The following ACOX3 variants were observed in gnomAD, a reference collection of about 807,000 sequenced individuals.
ACOX3 encodes peroxisomal acyl-coenzyme A oxidase 3.
A neutral mutation model predicts 81.5 loss-of-function variants in ACOX3; 73 were observed. That is an observed-to-expected ratio of 0.90 (90% CI 0.74 to 1.09). ACOX3 has a LOEUF of 1.09. Ranked by LOEUF, ACOX3 falls within the 50% of genes least tolerant of loss-of-function variation. The probability of loss-of-function intolerance (pLI) is 0.00; values close to 1 mark genes in which losing one functional copy is unlikely to be tolerated. For missense variants in ACOX3, 947 were observed against 928.0 expected (o/e 1.02, Z -0.27); for synonymous variants, 387 against 375.1 (o/e 1.03, Z -0.37).
chr4:8,360,564 T>C, the ACOX3 span, among the ~76,000 whole-genome samples: 1 of 151,608 alleles, frequency 6.6e-6, no homozygotes, highest in African/African-American at 2.4e-5. Flanking sequence ...CTCCGCCTCC[T>C]GGGTTCATGC....
chr4:8,404,941 C>CGT (rs1282359118), intron 7 of ACOX3, among the ~76,000 whole-genome samples: 1 of 152,064 alleles, frequency 6.6e-6, no homozygotes, highest in Non-Finnish European at 1.5e-5. Flanking sequence ...GGGGAGACAG[C>CGT]GTGTGGAGTC....
chr4:8,365,027 G>A (rs935038388), downstream of ACOX3, among the ~76,000 whole-genome samples: 44 of 152,266 alleles, frequency 2.9e-4, 1 homozygote, highest in African/African-American at 1.0e-3. Flanking sequence ...TCTAGGTAAA[G>A]GAGCCGTCCA....
the ACOX3 span, among the ~76,000 whole-genome samples, chr4:8,360,974 AG>A: frequency 3.3e-5 from 5 of 152,196 alleles, no homozygotes; most frequent in Non-Finnish European, 5.9e-5. Context: ...CAAGAGTAAA[AG>A]TCACTAACAA....
rs1173010628 is a variant in ACOX3, at chr4:8,368,071, G to C, written c.1984-991C>G. Reference sequence around the variant, plus strand: ...TGCAGCCACCGCAGGATGCTGCAAGGCTGCATCGACTGCTGCTCTGAAATC... The same window carrying C: ...TGCAGCCACCGCAGGATGCTGCAAGCCTGCATCGACTGCTGCTCTGAAATC... On this transcript the variant is annotated intron_variant, in intron 17 of 17. Transcript: ENST00000356406. This position sits in a 1 kb window ranked among gnomAD's most constrained non-coding sequence, Gnocchi z 5.9. 6.6e-6 allele frequency among the ~76,000 whole-genome samples: 1 copy of C among 152,034 alleles called. No homozygotes were observed. The highest frequency in any genetic ancestry group is 1.5e-5 in the Non-Finnish European group (1 of 67,996).
rs112790710 is a variant in ACOX3, at chr4:8,428,506, G to A, written c.-14-11971C>T. On this transcript the variant is annotated intron_variant, in intron 1 of 17. Transcript: ENST00000356406. ...TCCCATGGGCGGGGCGGAGCCGCGG[G>A]CGCCCTGACGTCATCGAACCGCGCC... The A allele has an allele frequency of 8.8e-3, 1,343 of 152,416 alleles. 5 individuals carry two copies. Among genetic ancestry groups the A allele is most frequent in the South Asian group, 0.034 (163 of 4,828 alleles). 9.4% of individuals were successfully genotyped at this position (152,416 alleles called of 1,614,324 possible).
chr4:8,377,425 C>T (rs114385665), intron 14 of ACOX3, among the ~76,000 whole-genome samples: 3 of 152,130 alleles, frequency 2.0e-5, no homozygotes, highest in Admixed American at 6.5e-5. Context: ...TAATGCATCG[C>T]GAGTGCCAGT....
chr4:8,435,271 A>G (rs1228548730), intron 1 of ACOX3, among the ~76,000 whole-genome samples: 2 of 152,228 alleles, frequency 1.3e-5, no homozygotes, highest in African/African-American at 4.8e-5. Context: ...CGGGCAGATC[A>G]CGAGGTCAGG....
the ACOX3 span, among the ~76,000 whole-genome samples, chr4:8,359,561 C>T: frequency 6.6e-6 from 1 of 152,202 alleles, no homozygotes; most frequent in Non-Finnish European, 1.5e-5. The surrounding 1 kb of genome is among the most constrained non-coding windows in gnomAD (Gnocchi z 6.0). Context: ...CTGCCTTGCA[C>T]TCTTTGCTGA....
chr4:8,361,425 C>CA (rs56251372), downstream of ACOX3, among the ~76,000 whole-genome samples: 665 of 38,988 alleles, frequency 0.017, 80 homozygotes, highest in East Asian at 0.099. Context: ...GACTCTATCT[C>CA]AAAAAAAAAA....
At chr4:8,367,658 C>A (rs1715622984) in intron 17 of ACOX3, among the ~76,000 whole-genome samples, 1 of 151,222 alleles carries the variant, frequency 6.6e-6, no homozygotes, top group Non-Finnish European at 1.5e-5. Flanking sequence ...TAATGAAAAT[C>A]ACCCCTCGCC....
rs996522335 is a variant in ACOX3, at chr4:8,370,430, G to A, written c.1983+478C>T. 3.9e-5 allele frequency among the ~76,000 whole-genome samples: 6 copies of A among 152,042 alleles called. No individual in the cohort carries two copies. Among genetic ancestry groups the A allele is most frequent in the African/African-American group, 1.4e-4 (6 of 41,398 alleles). On this transcript the variant is annotated intron_variant, in intron 17 of 17. Transcript: ENST00000356406. This position sits in a 1 kb window ranked among gnomAD's most constrained non-coding sequence, Gnocchi z 6.3. ...GAGAGCTGAGGAGCCACAGGGAGGC[G>A]GTTGGGGGAAAGCGGGGCAGGGGAG...
intron 5 of ACOX3, among the ~76,000 whole-genome samples, chr4:8,412,409 T>C (rs1024351590): frequency 2.0e-5 from 3 of 148,336 alleles, no homozygotes; most frequent in Non-Finnish European, 4.5e-5. Flanking sequence ...AATGGATGGA[T>C]GAAAGAATGA....
chr4:8,415,818 C>T lies in ACOX3; in HGVS notation c.326G>A (p.Cys109Tyr). 6.2e-7 allele frequency: 1 copy of T among 1,614,084 alleles called. No individual in the cohort carries two copies. Among genetic ancestry groups the T allele is most frequent in the Non-Finnish European group, 8.5e-7 (1 of 1,180,022 alleles). The change falls in exon 3 of 18, where the codon TGC (cysteine) becomes TAC (tyrosine). Residue 109 changes from cysteine to tyrosine, a missense_variant. Transcript: ENST00000356406. ...CAGAGAAGAGTCATACATGCCCAGGCACTGAATCAAGGCGGGGACCTTCAG... is the reference window on the plus strand; with the variant it reads ...CAGAGAAGAGTCATACATGCCCAGGTACTGAATCAAGGCGGGGACCTTCAG... ...SPLKVPALIQ[C>Y]LGMYDSSLAA... is the part of the protein sequence containing the mutation.
chr4:8,387,260 C>T lies in ACOX3; in HGVS notation c.1537+1913G>A, dbSNP rs568049718. 6.6e-5 allele frequency among the ~76,000 whole-genome samples: 10 copies of T among 152,356 alleles called. No individual in the cohort carries two copies. In the East Asian group the frequency reaches 1.7e-3, roughly 26 times the overall value. On this transcript the variant is annotated intron_variant, in intron 13 of 17. Transcript: ENST00000356406. ...ATGAAGGGGGTACCATCCCCGTCCC[C>T]GTGCTGCAGATGAGGAAACCGAGGC...
intron 8 of ACOX3, among the ~76,000 whole-genome samples, chr4:8,398,214 T>C (rs1290254794): frequency 6.6e-6 from 1 of 152,124 alleles, no homozygotes; most frequent in Non-Finnish European, 1.5e-5. Flanking sequence ...TTTAAGGGTA[T>C]AAAATATGAT....
chr4:8,438,325 C>T lies in ACOX3; in HGVS notation c.-15+2323G>A, dbSNP rs144558193. Among the ~76,000 whole-genome samples the T allele has an allele frequency of 4.7e-3, 716 of 152,316 alleles. 8 individuals carry two copies. Among genetic ancestry groups the T allele is most frequent in the African/African-American group, 0.017 (690 of 41,546 alleles). ...TGTTAAAAATAAAATGGAAGTTACA[C>T]ACAGCCTATTGGCTGCAAAGTTCAA... On this transcript the variant is annotated intron_variant, in intron 1 of 17. Coordinates refer to ENST00000356406, the MANE Select transcript of ACOX3 (RefSeq NM_003501.3).
intron 7 of ACOX3, among the ~76,000 whole-genome samples, chr4:8,404,435 C>CTTT (rs370622347): frequency 8.0e-6 from 1 of 125,392 alleles, no homozygotes; most frequent in African/African-American, 2.8e-5. Flanking sequence ...TCTTGTTTTG[C>CTTT]TTTTTTTTTT....
At chr4:8,438,221 A>G (rs1016509661) in intron 1 of ACOX3, among the ~76,000 whole-genome samples, 1 of 152,242 alleles carries the variant, frequency 6.6e-6, no homozygotes, top group Non-Finnish European at 1.5e-5. Context: ...CATTATCCCC[A>G]GGTTTAGACT....
In ACOX3 at chr4:8,409,856, C is replaced by T. The variant is rs370562130; in HGVS notation, c.687+356G>A. Among the ~76,000 whole-genome samples, 629 of 145,838 alleles carry T rather than the reference C, an allele frequency of 4.3e-3. 7 individuals carry two copies. The highest frequency in any genetic ancestry group is 0.017 in the South Asian group (77 of 4,534). On this transcript the variant is annotated intron_variant, in intron 6 of 17. Transcript: ENST00000356406. ...TGCACTGTGGGCAGAGCTGTCTGTGCGCTGCTGGTGGGGCTGTAGGATACA... is the reference window on the plus strand; with the variant it reads ...TGCACTGTGGGCAGAGCTGTCTGTGTGCTGCTGGTGGGGCTGTAGGATACA...
Sources: allele counts gnomAD v4.1 joint callset (sites outside exome capture counted in the v4.1 genomes callset), GRCh38; gene constraint gnomAD v4.1.1; non-coding constraint Gnocchi (gnomAD v3.1); transcripts MANE v1.5; gene names NCBI Gene and HGNC (gene_info 2026-07-23, HGNC 2026-07-21).